Variants in SEC61A2 observed in about 807,000 individuals in gnomAD.
The protein encoded by SEC61A2 is protein transport protein Sec61 subunit alpha isoform 2.
A neutral mutation model predicts 59.9 loss-of-function variants in SEC61A2; 28 were observed. The ratio of observed to expected loss-of-function variants is 0.47; its 90% CI spans 0.35 to 0.64. The LOEUF is 0.64. Ranked by LOEUF, SEC61A2 falls within the 30% of genes least tolerant of loss-of-function variation. SEC61A2 has a pLI of 0.01. For missense variants in SEC61A2, 340 were observed against 585.9 expected, an observed-to-expected ratio of 0.58 and a Z score of 4.33; for synonymous variants, 202 against 214.4, an observed-to-expected ratio of 0.94 and a Z score of 0.50.
In SEC61A2 at chr10:12,155,364, G is replaced by A. The variant is rs1564414497; in HGVS notation, c.463-414G>A. 6.4e-7 allele frequency: 1 copy of A among 1,574,236 alleles called. No individual in the cohort carries two copies. Among genetic ancestry groups the A allele is most frequent in the East Asian group, 2.3e-5 (1 of 44,150 alleles). The stretch of plus-strand genomic sequence containing the variant: ...TGATGGCAGTGTACATTTCCATCTT[G>A]CTATTATACCAGAATTCATCTGACT... On this transcript the variant is annotated intron_variant, in intron 6 of 11. Coordinates refer to ENST00000298428, the MANE Select transcript of SEC61A2 (RefSeq NM_018144.4). This position sits in a 1 kb window ranked among gnomAD's most constrained non-coding sequence, Gnocchi z 4.3.
At chr10:12,133,689 G>A (rs909637373) in intron 2 of SEC61A2, among the ~76,000 whole-genome samples, 11 of 152,186 alleles carry the variant, frequency 7.2e-5, no homozygotes, top group African/African-American at 2.7e-4. Context: ...CTGCTCGATA[G>A]GTTTTGATGA....
chr10:12,143,492 T>C lies in SEC61A2; in HGVS notation c.220+297T>C, dbSNP rs1834069657. Among the ~76,000 whole-genome samples, 1 of 152,118 alleles carries C rather than the reference T, an allele frequency of 6.6e-6. No homozygotes were observed. Among genetic ancestry groups the C allele is most frequent in the African/African-American group, 2.4e-5 (1 of 41,414 alleles). On this transcript the variant is annotated intron_variant, in intron 4 of 11. Coordinates refer to ENST00000298428, the MANE Select transcript of SEC61A2 (RefSeq NM_018144.4). The surrounding 1 kb of genome is among the most constrained non-coding windows in gnomAD (Gnocchi z 4.8). ...GCTCACCCCTGTAATCCCAGCACTT[T>C]GGGAGGCCAAGGTGGGCAGATCACC...
Position 12,161,267 on chromosome 10 carries a change from C to T in SEC61A2, c.1167+146C>T, listed in dbSNP as rs192460183. The T allele has an allele frequency of 1.8e-4, 105 of 587,626 alleles. 1 individual carries two copies. The East Asian group carries it at 2.5e-3, about 14-fold the overall frequency. The allele number at this position is 587,626 out of a possible 1,614,324, so 36.4% of individuals were successfully genotyped here. On this transcript the variant is annotated intron_variant, in intron 10 of 11. Coordinates refer to ENST00000298428, the MANE Select transcript of SEC61A2 (RefSeq NM_018144.4). This position sits in a 1 kb window ranked among gnomAD's most constrained non-coding sequence, Gnocchi z 5.4. Reference sequence around the variant, plus strand: ...CAGCCTGGGCAACATAGCGAGACCCCGTCATGACTAAAAAAATACAAATAA... The same window carrying T: ...CAGCCTGGGCAACATAGCGAGACCCTGTCATGACTAAAAAAATACAAATAA...
chr10:12,150,709 G>GTT (rs1564412610), intron 6 of SEC61A2, among the ~76,000 whole-genome samples: 1 of 151,830 alleles, frequency 6.6e-6, no homozygotes, highest in South Asian at 2.1e-4. Flanking sequence ...TATTCCATGG[G>GTT]TTTTTTAAAT....
Position 12,162,396 on chromosome 10 carries a change from T to C in SEC61A2, c.1244+107T>C, listed in dbSNP as rs1472211839. 3 of 961,868 alleles carry C rather than the reference T, an allele frequency of 3.1e-6. No homozygotes were observed. The highest frequency in any genetic ancestry group is 2.4e-5 in the East Asian group (1 of 41,828). The allele number at this position is 961,868 out of a possible 1,614,324, so 59.6% of individuals were successfully genotyped here. ...CAAGTTCATATTTAAAACCCTTCTA[T>C]TCACACAGATGAATCAAAATTTCAC... On this transcript the variant is annotated intron_variant, in intron 11 of 11. Transcript: ENST00000298428. The surrounding 1 kb of genome is among the most constrained non-coding windows in gnomAD (Gnocchi z 6.1).
At chr10:12,151,097 A>T (rs186808310) in intron 6 of SEC61A2, among the ~76,000 whole-genome samples, 1 of 150,938 alleles carries the variant, frequency 6.6e-6, no homozygotes, top group Non-Finnish European at 1.5e-5. Flanking sequence ...AAATATGTTA[A>T]GTTTGGAAGC....
At chr10:12,144,083 G>C (rs1834085489) in intron 4 of SEC61A2, among the ~76,000 whole-genome samples, 1 of 152,060 alleles carries the variant, frequency 6.6e-6, no homozygotes, top group Admixed American at 6.6e-5. Context: ...CTCCCTCAAA[G>C]TGCTGGGATT....
intron 4 of SEC61A2, among the ~76,000 whole-genome samples, chr10:12,146,180 G>A (rs7095695): frequency 0.4 from 60,741 of 151,886 alleles, 13,279 homozygotes; most frequent in South Asian, 0.55. Flanking sequence ...GCCACCATGC[G>A]CCACTAATTT....
intron 11 of SEC61A2, among the ~76,000 whole-genome samples, chr10:12,163,255 C>T (rs191753327): frequency 1.0e-3 from 152 of 152,020 alleles, no homozygotes; most frequent in African/African-American, 3.6e-3. Flanking sequence ...CGATCCTCCC[C>T]GCCTCAACCT....
At chr10:12,157,376 C>A (rs1194710236) in intron 8 of SEC61A2, among the ~76,000 whole-genome samples, 3 of 151,922 alleles carry the variant, frequency 2.0e-5, no homozygotes, top group Non-Finnish European at 2.9e-5. Flanking sequence ...GCTCTTGTTG[C>A]CCAGGCTGGA....
chr10:12,164,126 T>C lies in SEC61A2; in HGVS notation c.1245-142T>C. The C allele has an allele frequency of 1.1e-6, 1 of 889,302 alleles. No homozygotes were observed. Among genetic ancestry groups the C allele is most frequent in the Admixed American group, 3.0e-5 (1 of 32,950 alleles). 55.1% of individuals were successfully genotyped at this position (889,302 alleles called of 1,614,324 possible). On this transcript the variant is annotated intron_variant, in intron 11 of 11. Coordinates refer to ENST00000298428, the MANE Select transcript of SEC61A2 (RefSeq NM_018144.4). The surrounding 1 kb of genome is among the most constrained non-coding windows in gnomAD (Gnocchi z 7.3). Reference sequence around the variant, plus strand: ...TCCCATGCCGTGCCCTGCACACCCCTCCACACTGCAGCCTGTTCCCTCTGG... The same window carrying C: ...TCCCATGCCGTGCCCTGCACACCCCCCCACACTGCAGCCTGTTCCCTCTGG...
Position 12,155,767 on chromosome 10 carries a change from T to C in SEC61A2, c.463-11T>C. On this transcript the variant is annotated splice_polypyrimidine_tract_variant and intron_variant, in intron 6 of 11. Transcript: ENST00000298428. This position sits in a 1 kb window ranked among gnomAD's most constrained non-coding sequence, Gnocchi z 4.3. ...TCTTGCTTCCGCTTACTTGCATTTCTTTCCCCACAGTTGTTTGTTGCTGGT... is the reference window on the plus strand; with the variant it reads ...TCTTGCTTCCGCTTACTTGCATTTCCTTCCCCACAGTTGTTTGTTGCTGGT... 1 of 1,614,062 alleles carries C rather than the reference T, an allele frequency of 6.2e-7. No individual in the cohort carries two copies. The highest frequency in any genetic ancestry group is 8.5e-7 in the Non-Finnish European group (1 of 1,179,874).
At chr10:12,151,340 T>C (rs1426407203) in intron 6 of SEC61A2, among the ~76,000 whole-genome samples, 8 of 148,700 alleles carry the variant, frequency 5.4e-5, no homozygotes, top group Non-Finnish European at 8.9e-5. Context: ...TGAGACACAG[T>C]CTTGCTGTGT....
Position 12,162,783 on chromosome 10 carries a change from C to T in SEC61A2, c.1244+494C>T, listed in dbSNP as rs1363292959. 6.6e-6 allele frequency among the ~76,000 whole-genome samples: 1 copy of T among 152,066 alleles called. No individual in the cohort carries two copies. The highest frequency in any genetic ancestry group is 2.4e-5 in the African/African-American group (1 of 41,410). Reference sequence around the variant, plus strand: ...CACCACCCAGAAAGAAACCCTGTACCTACTAGCCCACCTTCCCAACCACCA... The same window carrying T: ...CACCACCCAGAAAGAAACCCTGTACTTACTAGCCCACCTTCCCAACCACCA... On this transcript the variant is annotated intron_variant, in intron 11 of 11. Transcript: ENST00000298428. The surrounding 1 kb of genome is among the most constrained non-coding windows in gnomAD (Gnocchi z 6.1).
rs755785613 is a variant in SEC61A2, at chr10:12,156,251, G to A, written c.616+320G>A. Among the ~76,000 whole-genome samples, 11 of 152,218 alleles carry A rather than the reference G, an allele frequency of 7.2e-5. No homozygotes were observed. The highest frequency in any genetic ancestry group is 1.5e-4 in the Non-Finnish European group (10 of 68,044). ...TGACTGATTTCAGCATCCGTAGGGG[G>A]ATAAAAAGGTAGTGGATTTTAGATT... On this transcript the variant is annotated intron_variant, in intron 7 of 11. Coordinates refer to ENST00000298428, the MANE Select transcript of SEC61A2 (RefSeq NM_018144.4). The surrounding 1 kb of genome is among the most constrained non-coding windows in gnomAD (Gnocchi z 5.2).
rs763661926 is a variant in SEC61A2, at chr10:12,143,274, A to G, written c.220+79A>G. On this transcript the variant is annotated intron_variant, in intron 4 of 11. Transcript: ENST00000298428. The surrounding 1 kb of genome is among the most constrained non-coding windows in gnomAD (Gnocchi z 4.8). Reference sequence around the variant, plus strand: ...CATGTGGATTAGCAATGAGTTTTCAATGTCTACAGGGAGGGGGAGGATATC... The same window carrying G: ...CATGTGGATTAGCAATGAGTTTTCAGTGTCTACAGGGAGGGGGAGGATATC... 3.1e-5 allele frequency: 32 copies of G among 1,017,646 alleles called. No homozygotes were observed. Among genetic ancestry groups the G allele is most frequent in the Non-Finnish European group, 4.7e-5 (30 of 639,160 alleles). The allele number at this position is 1,017,646 out of a possible 1,614,324, so 63.0% of individuals were successfully genotyped here.
chr10:12,158,918 C>T lies in SEC61A2; in HGVS notation c.975+813C>T, dbSNP rs549282342. On this transcript the variant is annotated intron_variant, in intron 9 of 11. Coordinates refer to ENST00000298428, the MANE Select transcript of SEC61A2 (RefSeq NM_018144.4). The surrounding 1 kb of genome is among the most constrained non-coding windows in gnomAD (Gnocchi z 5.7). ...GCTATTAACTAGACGGTAGAGACAG[C>T]GGTGCTGCTAGTAATATAATCCTAT... is the stretch of plus-strand genomic sequence containing the variant. Among the ~76,000 whole-genome samples, 18 of 151,856 alleles carry T rather than the reference C, an allele frequency of 1.2e-4. No homozygotes were observed. The South Asian group carries it at 1.9e-3, about 16-fold the overall frequency.
rs1660154965 is a variant in SEC61A2, at chr10:12,143,018, T to A, written c.142-99T>A. The A allele has an allele frequency of 1.2e-6, 1 of 861,300 alleles. No homozygotes were observed. The highest frequency in any genetic ancestry group is 1.4e-5 in the South Asian group (1 of 73,460). The allele number at this position is 861,300 out of a possible 1,614,324, so 53.4% of individuals were successfully genotyped here. On this transcript the variant is annotated intron_variant, in intron 3 of 11. Coordinates refer to ENST00000298428, the MANE Select transcript of SEC61A2 (RefSeq NM_018144.4). The surrounding 1 kb of genome is among the most constrained non-coding windows in gnomAD (Gnocchi z 4.8). The stretch of plus-strand genomic sequence containing the variant: ...CCCAGGCTGGAGTGCAGTGGCGTGA[T>A]CTCAGCTCACTGCAGCCTTTGCCTC...
At position 12,155,260 on chromosome 10, in the gene SEC61A2, A is replaced by G. The variant is rs10906089; in HGVS notation, c.463-518A>G. 555,421 of 1,248,568 alleles carry G rather than the reference A, an allele frequency of 0.44. 127,413 individuals are homozygous for G. Among genetic ancestry groups the G allele is most frequent in the South Asian group, 0.56 (27,696 of 49,124 alleles). The allele number at this position is 1,248,568 out of a possible 1,614,324, so 77.3% of individuals were successfully genotyped here. The stretch of plus-strand genomic sequence containing the variant: ...TGTGTTCTAGTTTTTTATTCTGTAC[A>G]CATTTTATAGAGTATACATATATAT... On this transcript the variant is annotated intron_variant, in intron 6 of 11. Coordinates refer to ENST00000298428, the MANE Select transcript of SEC61A2 (RefSeq NM_018144.4). The surrounding 1 kb of genome is among the most constrained non-coding windows in gnomAD (Gnocchi z 4.3).
Sources: gnomAD v4.1 joint callset for allele counts (sites outside exome capture counted in the v4.1 genomes callset) on GRCh38, gnomAD v4.1.1 for gene constraint, Gnocchi (gnomAD v3.1) non-coding constraint, MANE v1.5 for transcripts, NCBI Gene and HGNC (gene_info 2026-07-23, HGNC 2026-07-21) for gene names.